The following DST variants were observed in gnomAD, a reference collection of about 807,000 sequenced individuals.
DST encodes dystonin.
A neutral mutation model predicts 875.2 loss-of-function variants in DST; 253 were observed. That is an observed-to-expected ratio of 0.29 (90% CI 0.26 to 0.32). The LOEUF (loss-of-function observed/expected upper bound fraction) is 0.32. Ranked by LOEUF, DST falls within the 10% of genes least tolerant of loss-of-function variation. DST has a pLI of 1.00. For synonymous variants in DST, 3,124 were observed against 3,197.1 expected (o/e 0.98, Z 0.77); for missense variants, 8,287 against 9,111.6 (o/e 0.91, Z 3.68).
chr6:56,935,663 C>A (rs745408827), intron 2 of DST, among the ~76,000 whole-genome samples: 5 of 152,206 alleles, frequency 3.3e-5, no homozygotes, highest in Non-Finnish European at 5.9e-5. Context: ...CACGGTAGCT[C>A]ACACCTGTAA....
At position 56,650,687 on chromosome 6, in the gene DST, G is replaced by A. The variant is rs73455797; in HGVS notation, c.1434+239C>T. The stretch of plus-strand genomic sequence containing the variant: ...TAAACCTTTTATTTATAAGATGATC[G>A]GTAACTATAAATAGCCTCTTTTATT... On this transcript the variant is annotated intron_variant, in intron 12 of 103. Transcript: ENST00000680361. Among the ~76,000 whole-genome samples the A allele has an allele frequency of 0.18, 26,672 of 152,018 alleles. 5,108 individuals carry two copies. Among genetic ancestry groups the A allele is most frequent in the African/African-American group, 0.48 (19,767 of 41,444 alleles).
intron 37 of DST, among the ~76,000 whole-genome samples, chr6:56,612,670 T>TTTA (rs1366454321): frequency 1.3e-5 from 2 of 152,224 alleles, no homozygotes; most frequent in African/African-American, 4.8e-5. Flanking sequence ...TTTTCATGAC[T>TTTA]ATAATCATGA....
At chr6:56,871,867 A>G in intron 3 of DST, 1 of 248,672 alleles carries the variant, frequency 4.0e-6, no homozygotes, top group Non-Finnish European at 7.8e-6. Flanking sequence ...GGGTTAACAG[A>G]TTGCATGTAT....
At chr6:56,739,874 G>A (rs2099540134) in intron 4 of DST, among the ~76,000 whole-genome samples, 1 of 152,074 alleles carries the variant, frequency 6.6e-6, no homozygotes, top group African/African-American at 2.4e-5. Context: ...CCACAAAAAT[G>A]AGCAACCAGC....
At chr6:56,705,682 C>T (rs2099330270) in intron 5 of DST, among the ~76,000 whole-genome samples, 2 of 152,188 alleles carry the variant, frequency 1.3e-5, no homozygotes, top group Admixed American at 1.3e-4. Flanking sequence ...GCACTGTTTA[C>T]ATAAGTCACA....
chr6:56,892,781 CATTCACTCAGTCAATAGT>C (rs1788207576), intron 3 of DST, among the ~76,000 whole-genome samples: 1 of 152,160 alleles, frequency 6.6e-6, no homozygotes, highest in African/African-American at 2.4e-5. Context: ...TTTCATATAT[CATTCACTCAGTCAATAGT>C]ATTCACTCAG....
intron 2 of DST, among the ~76,000 whole-genome samples, chr6:56,918,615 G>C (rs1334875255): frequency 6.6e-6 from 1 of 152,136 alleles, no homozygotes; most frequent in Admixed American, 6.5e-5. Context: ...AGATACTACA[G>C]GTACCAACTT....
chr6:56,552,341 T>G lies in DST; in HGVS notation c.16451A>C (p.Glu5484Ala). The G allele has an allele frequency of 1.2e-6, 2 of 1,614,026 alleles. No individual in the cohort carries two copies. Among genetic ancestry groups the G allele is most frequent in the South Asian group, 2.2e-5 (2 of 91,080 alleles). ...NKLLDRAQAREEQVEGTIKRL... is the reference protein window; with the variant it reads ...NKLLDRAQARAEQVEGTIKRL... ...CTTAATTGTCCCTTCAACCTGCTCT[T>G]CTCTGGCTTGGGCTCGGTCCAGTAA... The change falls in exon 61 of 104, where the codon GAA (glutamate) becomes GCA (alanine). Residue 5484 changes from glutamate to alanine, a missense_variant. This residue lies in a region of DST where 777 missense variants were observed against 764.8 expected (regional missense o/e 1.02). Coordinates refer to ENST00000680361, the MANE Select transcript of DST (RefSeq NM_001374736.1).
intron 75 of DST, 60 bp downstream of exon 75, chr6:56,508,469 A>G (rs575300197): frequency 1.4e-4 from 188 of 1,341,964 alleles, no homozygotes; most frequent in Admixed American, 1.1e-3. Flanking sequence ...TACCCAAGGA[A>G]TCTGGATTTC....
intron 49 of DST, among the ~76,000 whole-genome samples, chr6:56,588,456 GA>G (rs1039214671): frequency 1.2e-4 from 19 of 152,210 alleles, no homozygotes; most frequent in African/African-American, 4.6e-4. Flanking sequence ...CTCCTTACAG[GA>G]AATCCCATAA....
At chr6:56,761,374 C>T (rs2099616822) in intron 4 of DST, among the ~76,000 whole-genome samples, 1 of 152,202 alleles carries the variant, frequency 6.6e-6, no homozygotes, top group African/African-American at 2.4e-5. Context: ...ACCCAGCTAA[C>T]AAGTGACTGA....
chr6:56,948,768 A>G (rs1278116012), intron 2 of DST, among the ~76,000 whole-genome samples: 4 of 152,166 alleles, frequency 2.6e-5, no homozygotes, highest in Non-Finnish European at 5.9e-5. Context: ...TTCCTTTTCT[A>G]TACATAATTT....
At position 56,600,212 on chromosome 6, in the gene DST, C is replaced by G. The variant is rs887357366; in HGVS notation, c.11551G>C (p.Glu3851Gln). Reference sequence around the variant, plus strand: ...TTCTCTTTATACTCCTGCTGACGCTCTGCTACAATCTAAAGTGAAGAAAAC... The same window carrying G: ...TTCTCTTTATACTCCTGCTGACGCTGTGCTACAATCTAAAGTGAAGAAAAC... ...QDLDDQKIVA[E>Q]RQQEYKEKLQ... The change falls in exon 45 of 104, where the codon GAG (glutamate) becomes CAG (glutamine). Residue 3851 changes from glutamate to glutamine, a missense_variant. Coordinates refer to ENST00000680361, the MANE Select transcript of DST (RefSeq NM_001374736.1). 1.9e-6 allele frequency: 3 copies of G among 1,611,656 alleles called. No homozygotes were observed. In the Admixed American group the frequency reaches 5.0e-5, roughly 27 times the overall value.
intron 2 of DST, among the ~76,000 whole-genome samples, chr6:56,902,899 T>TCCCC (rs1592276314): frequency 6.9e-6 from 1 of 145,122 alleles, no homozygotes; most frequent in Non-Finnish European, 1.5e-5. Context: ...ACATTCCCCA[T>TCCCC]CCACCCACCC....
At chr6:56,589,881 T>C (rs534314730) in intron 49 of DST, among the ~76,000 whole-genome samples, 1 of 152,212 alleles carries the variant, frequency 6.6e-6, no homozygotes, top group African/African-American at 2.4e-5. Flanking sequence ...GCCCCAAAAA[T>C]TACATTTATG....
At chr6:56,573,986 A>G (rs1469637430) in intron 50 of DST, 99 bp from the exon 51 acceptor site, 2 of 829,692 alleles carry the variant, frequency 2.4e-6, no homozygotes, top group Non-Finnish European at 3.6e-6. Context: ...CCACACAAAA[A>G]ATTTAAAAAA....
chr6:56,666,278 C>A (rs529450254), intron 10 of DST, among the ~76,000 whole-genome samples: 180 of 152,104 alleles, frequency 1.2e-3, no homozygotes, highest in African/African-American at 4.0e-3. Context: ...TGATTAATAA[C>A]TTATAACAGT....
Position 56,553,614 on chromosome 6 carries a change from G to A in DST, c.15178C>T (p.His5060Tyr), listed in dbSNP as rs1192033897. The A allele has an allele frequency of 1.9e-6, 3 of 1,613,606 alleles. No individual in the cohort carries two copies. Among genetic ancestry groups the A allele is most frequent in the South Asian group, 2.2e-5 (2 of 91,080 alleles). ...QHLQSACASS[H>Y]QFQQMSRDFQ... Reference sequence around the variant, plus strand: ...TCTCTAGACATTTGCTGAAATTGATGAGAGCTTGCACAGGCCGACTGAAGG... The same window carrying A: ...TCTCTAGACATTTGCTGAAATTGATAAGAGCTTGCACAGGCCGACTGAAGG... Residue 5060 changes from histidine (H) to tyrosine (Y), a missense_variant, in exon 61 of 104, where the codon CAT becomes TAT. By Grantham distance (83) the His-to-Tyr change is moderately conservative. This residue lies in a region of DST where 1,513 missense variants were observed against 1,677.8 expected (regional missense o/e 0.90). Coordinates refer to ENST00000680361, the MANE Select transcript of DST (RefSeq NM_001374736.1).
At chr6:56,535,016 C>A in intron 63 of DST, 106 bp downstream of exon 63, 3 of 1,295,214 alleles carry the variant, frequency 2.3e-6, no homozygotes, top group Non-Finnish European at 3.3e-6. Flanking sequence ...GCAGCAACAA[C>A]CGGTTAACTA....
Sources: allele counts gnomAD v4.1 joint callset (sites outside exome capture counted in the v4.1 genomes callset), GRCh38; gene constraint gnomAD v4.1.1; regional missense constraint gnomAD v4.1.1; transcripts MANE v1.5; gene names NCBI Gene and HGNC (gene_info 2026-07-23, HGNC 2026-07-21).